CYTH1: variants seen among roughly 807,000 people sequenced by gnomAD.
CYTH1 encodes the protein cytohesin-1.
Under a neutral mutation model 61.8 loss-of-function variants are expected in CYTH1, and 18 were observed. The ratio of observed to expected loss-of-function variants is 0.29; its 90% CI spans 0.20 to 0.43. CYTH1 has a LOEUF of 0.43. Among genes scored for constraint, CYTH1 ranks in the 20% least tolerant of loss-of-function variants. The pLI is 1.00. For synonymous variants in CYTH1, 174 were observed against 184.3 expected (o/e 0.94, Z 0.45); for missense variants, 336 against 510.5 (o/e 0.66, Z 3.29).
chr17:78,680,486 C>A, intron 12 of CYTH1, 142 bp from the exon 13 acceptor site: 6 of 1,009,846 alleles, frequency 5.9e-6, no homozygotes, highest in Non-Finnish European at 8.5e-6. Flanking sequence ...AAAAGTGAAG[C>A]CTAGAAGCGG....
intron 1 of CYTH1, among the ~76,000 whole-genome samples, chr17:78,780,327 G>A (rs188315852): frequency 1.3e-5 from 2 of 152,196 alleles, no homozygotes; most frequent in East Asian, 3.9e-4. Context: ...AACATAGGGA[G>A]ACCTCCCTCT....
At chr17:78,764,565 T>A (rs963149118) in intron 1 of CYTH1, among the ~76,000 whole-genome samples, 5 of 152,278 alleles carry the variant, frequency 3.3e-5, no homozygotes, top group African/African-American at 1.2e-4. Context: ...TAACTGGTTA[T>A]CAACATAAGC....
At chr17:78,769,089 T>A (rs933015815) in intron 1 of CYTH1, among the ~76,000 whole-genome samples, 1 of 151,320 alleles carries the variant, frequency 6.6e-6, no homozygotes, top group African/African-American at 2.4e-5. Context: ...GAAGTTGCAG[T>A]GAGCTGACAT....
At chr17:78,689,182 T>G (rs909647610) in intron 11 of CYTH1, among the ~76,000 whole-genome samples, 1 of 152,136 alleles carries the variant, frequency 6.6e-6, no homozygotes. Flanking sequence ...ACAATTGAAG[T>G]ACATCAGCTC....
At chr17:78,760,384 T>C (rs12325700) in intron 1 of CYTH1, among the ~76,000 whole-genome samples, 21,317 of 51,326 alleles carry the variant, frequency 0.42, 4,192 homozygotes, top group Admixed American at 0.49. Flanking sequence ...TATATATATA[T>C]ACACACACAT....
intron 1 of CYTH1, among the ~76,000 whole-genome samples, chr17:78,771,549 G>A (rs1172983899): frequency 1.3e-5 from 2 of 151,932 alleles, no homozygotes; most frequent in Non-Finnish European, 1.5e-5. Flanking sequence ...TGGCCAACAC[G>A]GTGAAACCCT....
chr17:78,699,365 G>GAA (rs61370475), intron 7 of CYTH1, among the ~76,000 whole-genome samples: 10 of 113,792 alleles, frequency 8.8e-5, no homozygotes, highest in Non-Finnish European at 9.4e-5. Flanking sequence ...CTCCATCTCA[G>GAA]AAAAAAAAAA....
At chr17:78,708,333 A>G (rs1452860171) in intron 2 of CYTH1, 72 bp from the exon 3 acceptor site, 7 of 1,389,112 alleles carry the variant, frequency 5.0e-6, no homozygotes, top group Non-Finnish European at 5.0e-6. Flanking sequence ...AAAATCTCAC[A>G]TAACTCCCTC....
chr17:78,700,309 T>C lies in CYTH1; in HGVS notation c.550+22A>G. On this transcript the variant is annotated intron_variant, in intron 7 of 13. Transcript: ENST00000446868. This position sits in a 1 kb window ranked among gnomAD's most constrained non-coding sequence, Gnocchi z 5.1. The stretch of plus-strand genomic sequence containing the variant: ...CCAGTGTAAAACGCCCATCATAAAC[T>C]AGGATGAATGATCGTATTTACCCGT... 1 of 1,582,138 alleles carries C rather than the reference T, an allele frequency of 6.3e-7. No homozygotes were observed. The highest frequency in any genetic ancestry group is 1.4e-5 in the African/African-American group (1 of 73,760).
At chr17:78,677,002 G>A in intron 13 of CYTH1, 1 of 456,072 alleles carries the variant, frequency 2.2e-6, no homozygotes, top group South Asian at 1.5e-5. Context: ...CACCCCTGCT[G>A]AACGGTGGCA....
chr17:78,688,125 T>C (rs1297074760), intron 11 of CYTH1, among the ~76,000 whole-genome samples: 2 of 152,234 alleles, frequency 1.3e-5, no homozygotes, highest in Non-Finnish European at 1.5e-5. Context: ...ACATACTGCA[T>C]AGACTCACAT....
chr17:78,722,691 T>C (rs1300112638), intron 1 of CYTH1, among the ~76,000 whole-genome samples: 13 of 152,204 alleles, frequency 8.5e-5, no homozygotes, highest in African/African-American at 3.1e-4. Flanking sequence ...TTTGTAATGC[T>C]CTGAATTTTT....
Position 78,675,970 on chromosome 17 carries a change from C to A in CYTH1, c.*121G>T, listed in dbSNP as rs1418630579. 4 of 1,549,658 alleles carry A rather than the reference C, an allele frequency of 2.6e-6. No individual in the cohort carries two copies. Among genetic ancestry groups the A allele is most frequent in the Non-Finnish European group, 2.6e-6 (3 of 1,146,096 alleles). Reference sequence around the variant, plus strand: ...AAATAGCAAAAGCTGAAGCTAGTCTCTAGGAATCCAGGGCGGGGCCTGGCA... The same window carrying A: ...AAATAGCAAAAGCTGAAGCTAGTCTATAGGAATCCAGGGCGGGGCCTGGCA... On this transcript the variant is annotated 3_prime_UTR_variant, in exon 14 of 14. Coordinates refer to ENST00000446868, the MANE Select transcript of CYTH1 (RefSeq NM_004762.6).
At chr17:78,683,784 C>T (rs1347213027) in intron 11 of CYTH1, among the ~76,000 whole-genome samples, 1 of 152,168 alleles carries the variant, frequency 6.6e-6, no homozygotes, top group African/African-American at 2.4e-5. Flanking sequence ...TGGTCTGTTT[C>T]CTAAACAGTT....
chr17:78,685,061 T>C (rs1598819249), intron 11 of CYTH1, among the ~76,000 whole-genome samples: 1 of 152,014 alleles, frequency 6.6e-6, no homozygotes, highest in East Asian at 1.9e-4. Flanking sequence ...TAGCCGCATG[T>C]GGTGGCACGT....
intron 11 of CYTH1, among the ~76,000 whole-genome samples, chr17:78,690,514 A>G: frequency 6.7e-6 from 1 of 148,302 alleles, no homozygotes; most frequent in African/African-American, 2.5e-5. Flanking sequence ...ACCCCATCCC[A>G]TCTCTACTTA....
At position 78,708,216 on chromosome 17, in the gene CYTH1, G is replaced by C. The variant is rs370371477; in HGVS notation, c.151C>G (p.Leu51Val). ...IAEVANEIEN[L>V]GSTEERKNMQ... is the part of the protein sequence containing the mutation. ...ACTCACCTTTCCTCTGTGGATCCCAGGTTTTCAATTTCATTAGCTACTTCT... is the reference window on the plus strand; with the variant it reads ...ACTCACCTTTCCTCTGTGGATCCCACGTTTTCAATTTCATTAGCTACTTCT... Residue 51 changes from leucine to valine, a missense_variant, in exon 3 of 14, where the codon CTG becomes GTG. Physicochemically the swap from Leu to Val is conservative, Grantham distance 32. This residue lies in a region of CYTH1 where 112 missense variants were observed against 127.1 expected (regional missense o/e 0.88). Transcript: ENST00000446868. The C allele has an allele frequency of 6.8e-6, 11 of 1,613,428 alleles. No homozygotes were observed. The highest frequency in any genetic ancestry group is 1.7e-5 in the Admixed American group (1 of 59,846).
chr17:78,733,453 C>A (rs936352642), intron 1 of CYTH1, among the ~76,000 whole-genome samples: 1 of 152,196 alleles, frequency 6.6e-6, no homozygotes, highest in Admixed American at 6.5e-5. Context: ...GCATCCTCAG[C>A]TCTTTTTTTT....
chr17:78,679,318 C>T (rs1004744269), intron 13 of CYTH1, among the ~76,000 whole-genome samples: 1 of 152,140 alleles, frequency 6.6e-6, no homozygotes, highest in Non-Finnish European at 1.5e-5. Context: ...GATGAAGCAC[C>T]AGGAGGGAGA....
Sources: allele counts gnomAD v4.1 joint callset (sites outside exome capture counted in the v4.1 genomes callset), GRCh38; gene constraint gnomAD v4.1.1; regional missense constraint gnomAD v4.1.1; non-coding constraint Gnocchi (gnomAD v3.1); transcripts MANE v1.5; gene names NCBI Gene and HGNC (gene_info 2026-07-23, HGNC 2026-07-21).